The following SHQ1 variants were observed in gnomAD, a reference collection of about 807,000 sequenced individuals.
SHQ1 encodes protein SHQ1 homolog.
SHQ1 carries 49 observed loss-of-function variants against 53.8 expected under a neutral mutation model. The observed-to-expected ratio is 0.91, with a 90% CI of 0.72 to 1.16. The LOEUF is 1.16. Among genes scored for constraint, SHQ1 ranks in the 50% most tolerant of loss-of-function variants. The probability of loss-of-function intolerance (pLI) is 0.00; values close to 1 mark genes in which losing one functional copy is unlikely to be tolerated. For synonymous variants in SHQ1, 243 were observed against 251.0 expected (o/e 0.97, Z 0.30); for missense variants, 738 against 683.1 (o/e 1.08, Z -0.90).
chr3:72,751,506 G>GTATATATATATA (rs1312437115), intron 10 of SHQ1, among the ~76,000 whole-genome samples: 7 of 117,444 alleles, frequency 6.0e-5, no homozygotes, highest in African/African-American at 2.2e-4. Context: ...GTGTGTGTGT[G>GTATATATATATA]TGTATATATA....
At chr3:72,746,184 C>G (rs1056408918), downstream of SHQ1, among the ~76,000 whole-genome samples, 2 of 152,170 alleles carry the variant, frequency 1.3e-5, no homozygotes, top group East Asian at 1.9e-4. Context: ...TGGAGTCCCC[C>G]CCTCGTGAGC....
chr3:72,846,018 C>T (rs1708318852), intron 1 of SHQ1, among the ~76,000 whole-genome samples: 1 of 152,052 alleles, frequency 6.6e-6, no homozygotes, highest in African/African-American at 2.4e-5. Flanking sequence ...ATCATAAATC[C>T]CTCTTCTGTA....
chr3:72,771,834 G>A (rs1432741981), intron 10 of SHQ1, among the ~76,000 whole-genome samples: 1 of 152,196 alleles, frequency 6.6e-6, no homozygotes, highest in Non-Finnish European at 1.5e-5. Context: ...CTCTATATGG[G>A]TCCAGAATTG....
At chr3:72,801,378 T>A (rs1241094070) in intron 9 of SHQ1, among the ~76,000 whole-genome samples, 1 of 152,150 alleles carries the variant, frequency 6.6e-6, no homozygotes, top group Non-Finnish European at 1.5e-5. Flanking sequence ...TACACTTCAT[T>A]TTTTTCCAAC....
intron 10 of SHQ1, among the ~76,000 whole-genome samples, chr3:72,757,442 A>G (rs1002831151): frequency 4.9e-5 from 7 of 142,224 alleles, no homozygotes; most frequent in African/African-American, 1.9e-4. Context: ...GGAGACCAGT[A>G]GTCAAAGGAG....
chr3:72,843,260 A>G (rs889182894), intron 2 of SHQ1, among the ~76,000 whole-genome samples: 2 of 152,172 alleles, frequency 1.3e-5, no homozygotes, highest in Admixed American at 1.3e-4. Context: ...GAAAGGAGGA[A>G]AAAATCAGAA....
chr3:72,829,225 A>G (rs752992756), intron 5 of SHQ1, among the ~76,000 whole-genome samples: 1 of 152,218 alleles, frequency 6.6e-6, no homozygotes, highest in Non-Finnish European at 1.5e-5. Flanking sequence ...GATGAGTTCA[A>G]TTTTGGACAT....
intron 9 of SHQ1, chr3:72,794,620 C>T (rs1216335467): frequency 1.3e-5 from 2 of 152,248 alleles, no homozygotes; most frequent in Non-Finnish European, 2.9e-5. Flanking sequence ...TCTTTCCCAT[C>T]TTTCAGATTC....
At chr3:72,754,047 A>T (rs1180643523) in intron 10 of SHQ1, among the ~76,000 whole-genome samples, 1 of 152,230 alleles carries the variant, frequency 6.6e-6, no homozygotes, top group Admixed American at 6.5e-5. Context: ...GAAATAAAAA[A>T]TATAAAATAA....
chr3:72,783,652 G>A (rs1303310534), intron 10 of SHQ1, among the ~76,000 whole-genome samples: 1 of 152,124 alleles, frequency 6.6e-6, no homozygotes, highest in Admixed American at 6.6e-5. Flanking sequence ...TCATAATCAT[G>A]ATGTCCATGG....
At chr3:72,788,130 C>T (rs1431238933) in intron 10 of SHQ1, among the ~76,000 whole-genome samples, 6 of 152,210 alleles carry the variant, frequency 3.9e-5, no homozygotes, top group African/African-American at 9.6e-5. Context: ...TCTGCCCGGC[C>T]GCCACCCCGT....
chr3:72,786,100 C>T (rs1706224258), intron 10 of SHQ1, among the ~76,000 whole-genome samples: 2 of 152,210 alleles, frequency 1.3e-5, no homozygotes, highest in South Asian at 2.1e-4. Flanking sequence ...TCTCTCTCTC[C>T]CAGCAGCATC....
chr3:72,848,249 A>C lies in SHQ1; in HGVS notation c.92T>G (p.Val31Gly). 1.2e-6 allele frequency: 2 copies of C among 1,614,172 alleles called. No individual in the cohort carries two copies. Among genetic ancestry groups the C allele is most frequent in the Non-Finnish European group, 1.7e-6 (2 of 1,180,026 alleles). The change falls in exon 1 of 11, where the codon GTC becomes GGC. Residue 31 changes from valine to glycine, a missense_variant. Transcript: ENST00000325599. ...VPYARVSEFD[V>G]YFEGSDFKFY... is the part of the protein sequence containing the mutation. ...CTTGAAGTCAGACCCCTCGAAGTAG[A>C]CGTCGAACTCGGAGACCCGGGCGTA...
chr3:72,821,398 G>A (rs151111436), intron 6 of SHQ1, among the ~76,000 whole-genome samples: 17 of 152,310 alleles, frequency 1.1e-4, no homozygotes, highest in Non-Finnish European at 1.9e-4. Context: ...GGGGAAGCAC[G>A]GCGTTTAACA....
intron 4 of SHQ1, among the ~76,000 whole-genome samples, chr3:72,832,959 T>C (rs950010872): frequency 2.0e-5 from 3 of 152,188 alleles, no homozygotes; most frequent in African/African-American, 4.8e-5. Context: ...TTATACAAAA[T>C]GCTTGGGAAG....
At chr3:72,780,902 C>G (rs910691155) in intron 10 of SHQ1, among the ~76,000 whole-genome samples, 5 of 152,156 alleles carry the variant, frequency 3.3e-5, no homozygotes, top group African/African-American at 4.8e-5. Context: ...ACTCAGAGAA[C>G]AAGCAATTCT....
chr3:72,803,547 A>C (rs1575706259), intron 9 of SHQ1, among the ~76,000 whole-genome samples: 1 of 152,222 alleles, frequency 6.6e-6, no homozygotes. Flanking sequence ...TTGGAATGGC[A>C]AGCAGCCAAA....
At chr3:72,736,771 T>A in the SHQ1 span, among the ~76,000 whole-genome samples, 1 of 113,754 alleles carries the variant, frequency 8.8e-6, no homozygotes, top group Non-Finnish European at 1.8e-5. Context: ...CCAGCCTGGG[T>A]GACAGAGTGA....
At position 72,841,222 on chromosome 3, in the gene SHQ1, T is replaced by G. The variant is rs769386755; in HGVS notation, c.332-23A>C. On this transcript the variant is annotated intron_variant, in intron 3 of 10. Coordinates refer to ENST00000325599, the MANE Select transcript of SHQ1 (RefSeq NM_018130.3). ...CACCTGAATGTGTTAAATTTTAATT[T>G]TTTTTAAGTATTGGATTTAAGTACA... 6 of 1,586,774 alleles carry G rather than the reference T, an allele frequency of 3.8e-6. No homozygotes were observed. The African/African-American group carries it at 6.8e-5, about 18-fold the overall frequency.
Sources: allele counts gnomAD v4.1 joint callset (sites outside exome capture counted in the v4.1 genomes callset), GRCh38; gene constraint gnomAD v4.1.1; transcripts MANE v1.5; gene names NCBI Gene and HGNC (gene_info 2026-07-23, HGNC 2026-07-21).